The following FDFT1 variants were observed in gnomAD, a reference collection of about 807,000 sequenced individuals.
FDFT1 encodes the protein farnesyl-diphosphate farnesyltransferase 1.
In FDFT1, 68 loss-of-function variants were observed where a neutral mutation model predicts 46.8. The ratio of observed to expected loss-of-function variants is 1.45; its 90% CI spans 1.19 to 1.78. The LOEUF (loss-of-function observed/expected upper bound fraction) is 1.78, where lower values mean the gene tolerates loss of function less well. Ranked by LOEUF, FDFT1 falls within the 40% of genes most tolerant of loss-of-function variation. The probability of loss-of-function intolerance (pLI) is 0.00; values close to 1 mark genes in which losing one functional copy is unlikely to be tolerated. For synonymous variants in FDFT1, 351 were observed against 185.1 expected (o/e 1.90, Z -7.28); for missense variants, 928 against 524.4 (o/e 1.77, Z -7.52).
chr8:11,801,062 G>C (rs1261540646), upstream of FDFT1, among the ~76,000 whole-genome samples: 1 of 152,134 alleles, frequency 6.6e-6, no homozygotes, highest in Non-Finnish European at 1.5e-5. Flanking sequence ...TGTGAGAGAG[G>C]GCAAACAGGT....
intron 7 of FDFT1, among the ~76,000 whole-genome samples, chr8:11,834,425 G>A (rs1205539373): frequency 2.6e-5 from 4 of 152,164 alleles, no homozygotes; most frequent in African/African-American, 9.7e-5. Context: ...CCTTGGCAGG[G>A]AGAATCTTGT....
chr8:11,797,702 G>A (rs1255203036), upstream of FDFT1, among the ~76,000 whole-genome samples: 4 of 149,110 alleles, frequency 2.7e-5, no homozygotes, highest in Middle Eastern at 3.2e-3. Flanking sequence ...AACAGATAAA[G>A]GAGAGGCCAG....
At chr8:11,801,981 G>A (rs747584339), upstream of FDFT1, 3 of 455,936 alleles carry the variant, frequency 6.6e-6, no homozygotes, top group Admixed American at 2.3e-5. Flanking sequence ...GAGCCACCAC[G>A]CCTGGACGGG....
rs556122559 is a variant in FDFT1, at chr8:11,813,652, C to T, written c.381+3802C>T. Among the ~76,000 whole-genome samples, 12 of 152,324 alleles carry T rather than the reference C, an allele frequency of 7.9e-5. No individual in the cohort carries two copies. The South Asian group carries it at 1.9e-3, about 24-fold the overall frequency. The stretch of plus-strand genomic sequence containing the variant: ...AATCAGAGGAATTTGTATCTGTATT[C>T]CCTGCTACTCTTACCCTCTATGTGG... On this transcript the variant is annotated intron_variant, in intron 3 of 7. Coordinates refer to ENST00000220584, the MANE Select transcript of FDFT1 (RefSeq NM_004462.5).
intron 7 of FDFT1, among the ~76,000 whole-genome samples, chr8:11,835,181 C>G (rs1049435742): frequency 6.6e-6 from 1 of 152,196 alleles, no homozygotes; most frequent in African/African-American, 2.4e-5. Context: ...GAAAAGTCGG[C>G]TATGACCTGT....
upstream of FDFT1, among the ~76,000 whole-genome samples, chr8:11,798,979 G>C (rs149303928): frequency 3.6e-3 from 543 of 152,310 alleles, 2 homozygotes; most frequent in African/African-American, 0.012. Flanking sequence ...TTTGAGGTAG[G>C]AGCTTTATGC....
intron 1 of FDFT1, chr8:11,808,584 G>T (rs1470899654): frequency 1.0e-5 from 14 of 1,384,774 alleles, no homozygotes; most frequent in Non-Finnish European, 1.3e-5. Context: ...GCTGAGTCCC[G>T]CCGCGGCGCC....
At chr8:11,832,565 A>AAAAAAAAAAAAAAC (rs1810958496) in intron 7 of FDFT1, among the ~76,000 whole-genome samples, 1 of 148,778 alleles carries the variant, frequency 6.7e-6, no homozygotes. Flanking sequence ...AAAAAAAAAA[A>AAAAAAAAAAAAAAC]AAAAAAAAAA....
intron 7 of FDFT1, among the ~76,000 whole-genome samples, chr8:11,836,973 G>GGT (rs2130913507): frequency 6.6e-6 from 1 of 152,362 alleles, no homozygotes; most frequent in East Asian, 1.9e-4. Context: ...GTGTAGTCAG[G>GGT]GTGAAAACTA....
upstream of FDFT1, among the ~76,000 whole-genome samples, chr8:11,798,739 G>A (rs1478328255): frequency 1.3e-5 from 2 of 152,206 alleles, no homozygotes; most frequent in Non-Finnish European, 2.9e-5. Flanking sequence ...TACTCATTGA[G>A]CACCCAATAA....
At position 11,826,050 on chromosome 8, in the gene FDFT1, C is replaced by A; in HGVS notation, c.537C>A (p.Val179=). 1.9e-6 allele frequency: 3 copies of A among 1,597,808 alleles called. No homozygotes were observed. Among genetic ancestry groups the A allele is most frequent in the South Asian group, 1.1e-5 (1 of 89,514 alleles). ...DKYCHYVAGL[V]GIGLSRLFSA... ...ACTGCCACTATGTTGCTGGGCTGGT[C>A]GGAATTGGCCTTTCCCGTCTTTTCT... is the stretch of plus-strand genomic sequence containing the variant. Residue 179 remains valine (V), a synonymous_variant, in exon 5 of 8, where the codon GTC becomes GTA. Transcript: ENST00000220584.
intron 1 of FDFT1, among the ~76,000 whole-genome samples, chr8:11,804,600 CTTTTTTTTTTTT>C (rs5889385): frequency 1.0e-5 from 1 of 97,364 alleles, no homozygotes; most frequent in South Asian, 3.7e-4. Context: ...CTTAGTTTCT[CTTTTTTTTTTTT>C]TTTTTTTTTG....
At chr8:11,808,291 G>A in intron 1 of FDFT1, 1 of 1,224,768 alleles carries the variant, frequency 8.2e-7, no homozygotes. Context: ...AAGTGCGCTG[G>A]GTTCCCTTAG....
At chr8:11,815,217 G>A (rs1006158570) in intron 3 of FDFT1, among the ~76,000 whole-genome samples, 1 of 152,146 alleles carries the variant, frequency 6.6e-6, no homozygotes, top group African/African-American at 2.4e-5. Context: ...TTTTATGGCT[G>A]TGTAGTATTC....
At chr8:11,814,151 C>T (rs992428358) in intron 3 of FDFT1, among the ~76,000 whole-genome samples, 5 of 152,196 alleles carry the variant, frequency 3.3e-5, no homozygotes, top group East Asian at 1.9e-4. Flanking sequence ...CAGAGTCCAA[C>T]GGAGATTCAG....
chr8:11,815,071 A>G (rs111558794), intron 3 of FDFT1, among the ~76,000 whole-genome samples: 5 of 151,280 alleles, frequency 3.3e-5, no homozygotes, highest in African/African-American at 9.7e-5. Context: ...CCTTGTGTCC[A>G]TGTGTTCTCA....
At chr8:11,803,549 C>T (rs983287027) in intron 1 of FDFT1, 13 of 1,094,872 alleles carry the variant, frequency 1.2e-5, no homozygotes, top group African/African-American at 8.2e-5. Context: ...AGATTTTTAT[C>T]TGCCTCATGC....
intron 7 of FDFT1, among the ~76,000 whole-genome samples, chr8:11,833,491 A>G (rs964108941): frequency 6.6e-6 from 1 of 152,236 alleles, no homozygotes; most frequent in African/African-American, 2.4e-5. Context: ...TTTGATCACT[A>G]GTTTTAGAAA....
rs1005989994 is a variant in FDFT1, at chr8:11,809,702, C to T, written c.233C>T (p.Ala78Val). Residue 78 changes from alanine (A) to valine (V), a missense_variant, in exon 3 of 8, where the codon GCT (alanine) becomes GTT (valine). Ala to Val is a moderately conservative substitution (Grantham distance 64). Transcript: ENST00000220584. Reference sequence around the variant, plus strand: ...TGCATATTTTATCTGGTTCTCCGAGCTCTGGACACACTGGAAGATGACATG... The same window carrying T: ...TGCATATTTTATCTGGTTCTCCGAGTTCTGGACACACTGGAAGATGACATG... ...AVCIFYLVLR[A>V]LDTLEDDMTI... 1.2e-6 allele frequency: 2 copies of T among 1,614,002 alleles called. No individual in the cohort carries two copies. The highest frequency in any genetic ancestry group is 1.7e-6 in the Non-Finnish European group (2 of 1,179,948).
Sources: gnomAD v4.1 joint callset for allele counts (sites outside exome capture counted in the v4.1 genomes callset) on GRCh38, gnomAD v4.1.1 for gene constraint, MANE v1.5 for transcripts, NCBI Gene and HGNC (gene_info 2026-07-23, HGNC 2026-07-21) for gene names.